Variants in FRMPD4 observed in about 807,000 individuals in gnomAD.
FRMPD4 encodes FERM and PDZ domain-containing protein 4.
A neutral mutation model predicts 94.1 loss-of-function variants in FRMPD4; 22 were observed. That is an observed-to-expected ratio of 0.23 (90% CI 0.17 to 0.33). The LOEUF (loss-of-function observed/expected upper bound fraction) is 0.33, where lower values mean the gene tolerates loss of function less well. FRMPD4 is among the 10% of genes least tolerant of loss of function. FRMPD4 has a pLI of 1.00. For missense variants in FRMPD4, 1,111 were observed against 1,339.9 expected, an observed-to-expected ratio of 0.83 and a Z score of 2.67; for synonymous variants, 631 against 548.6, an observed-to-expected ratio of 1.15 and a Z score of -2.10.
Position 12,594,861 on chromosome X carries a change from C to T in FRMPD4, c.159-14860C>T, listed in dbSNP as rs189318805. ...GTTTCTTTTAGAGAATGTATTGTTC[C>T]GTAATGTAATGGTTCAGTGGGGACT... is the stretch of plus-strand genomic sequence containing the variant. On this transcript the variant is annotated intron_variant, in intron 2 of 16. Transcript: ENST00000675598. Among the ~76,000 whole-genome samples the T allele has an allele frequency of 8.9e-5, 10 of 111,779 alleles. No individual in the cohort carries two copies. In the East Asian group the frequency reaches 1.7e-3, roughly 19 times the overall value.
chrX:12,641,395 C>G (rs900767832), intron 4 of FRMPD4, among the ~76,000 whole-genome samples: 2 of 111,556 alleles, frequency 1.8e-5, no homozygotes, highest in Non-Finnish European at 1.9e-5. Flanking sequence ...CGTTCCCCCT[C>G]CCCTCCATGC....
intron 4 of FRMPD4, among the ~76,000 whole-genome samples, chrX:12,640,230 T>C (rs1180427773): frequency 1.1e-5 from 1 of 88,138 alleles, no homozygotes; most frequent in Non-Finnish European, 2.1e-5. Context: ...ACCCAGGAGG[T>C]GGAAGTTGCA....
Position 12,587,401 on chromosome X carries a change from A to G in FRMPD4, c.159-22320A>G, listed in dbSNP as rs181981248. ...GTTCCAGAACATTTTCATTACCCCAAAATGAAACTTTATAATCATTAAGCA... is the reference window on the plus strand; with the variant it reads ...GTTCCAGAACATTTTCATTACCCCAGAATGAAACTTTATAATCATTAAGCA... On this transcript the variant is annotated intron_variant, in intron 2 of 16. Transcript: ENST00000675598. 2.7e-5 allele frequency among the ~76,000 whole-genome samples: 3 copies of G among 111,663 alleles called. No homozygotes were observed. In the East Asian group the frequency reaches 8.4e-4, roughly 31 times the overall value.
intron 1 of FRMPD4, among the ~76,000 whole-genome samples, chrX:11,827,673 CA>C (rs1203674884): frequency 8.9e-6 from 1 of 111,862 alleles, no homozygotes; most frequent in Non-Finnish European, 1.9e-5. Context: ...TTAAGGGAAT[CA>C]AAAAGCTGTG....
chrX:12,027,501 A>G (rs2054667390), intron 3 of FRMPD4, among the ~76,000 whole-genome samples: 1 of 112,192 alleles, frequency 8.9e-6, no homozygotes, highest in Non-Finnish European at 1.9e-5. Context: ...TGAGTGTGAC[A>G]GAGTGATCAG....
At chrX:12,254,214 G>A (rs369312172) in intron 1 of FRMPD4, among the ~76,000 whole-genome samples, 6 of 111,750 alleles carry the variant, frequency 5.4e-5, no homozygotes, top group African/African-American at 2.0e-4. Context: ...GACATGTGAG[G>A]AGTTAAGGCT....
intron 1 of FRMPD4, among the ~76,000 whole-genome samples, chrX:12,360,429 G>A (rs1258630266): frequency 4.5e-5 from 5 of 111,497 alleles, no homozygotes; most frequent in Admixed American, 1.9e-4. Context: ...TATGTACATT[G>A]GCAAGCCTGA....
intron 2 of FRMPD4, among the ~76,000 whole-genome samples, chrX:12,602,475 T>G (rs756625927): frequency 8.9e-6 from 1 of 111,872 alleles, no homozygotes; most frequent in South Asian, 3.8e-4. Flanking sequence ...GTGTCTGTGG[T>G]GTTTGTCCAA....
intron 3 of FRMPD4, among the ~76,000 whole-genome samples, chrX:12,080,505 G>A (rs2055053648): frequency 8.9e-6 from 1 of 111,974 alleles, no homozygotes; most frequent in Non-Finnish European, 1.9e-5. Context: ...TTTAAGTGAG[G>A]AGAAAAAGCC....
At chrX:12,560,982 G>A (rs1473735468) in intron 2 of FRMPD4, among the ~76,000 whole-genome samples, 1 of 104,353 alleles carries the variant, frequency 9.6e-6, no homozygotes, top group Admixed American at 1.0e-4. Flanking sequence ...TTTTAGCCGG[G>A]ATGGTCTCGA....
chrX:12,552,803 T>C (rs2058551197), intron 2 of FRMPD4, among the ~76,000 whole-genome samples: 2 of 112,733 alleles, frequency 1.8e-5, no homozygotes, highest in African/African-American at 6.4e-5. Flanking sequence ...GTATTTTTAA[T>C]TTTTATTCTG....
intron 3 of FRMPD4, among the ~76,000 whole-genome samples, chrX:11,942,259 G>A (rs1402163345): frequency 2.1e-5 from 2 of 97,423 alleles, no homozygotes. Context: ...GAGAGACAGG[G>A]GTCTCACTAT....
chrX:11,914,942 G>A (rs1383500555), intron 3 of FRMPD4, among the ~76,000 whole-genome samples: 2 of 112,020 alleles, frequency 1.8e-5, no homozygotes, highest in African/African-American at 3.2e-5. Flanking sequence ...TTAAATTAAT[G>A]TAACTTCTTG....
chrX:12,191,655 CTG>C (rs34288385), intron 1 of FRMPD4, among the ~76,000 whole-genome samples: 11,604 of 111,406 alleles, frequency 0.1, 526 homozygotes, highest in South Asian at 0.27. Flanking sequence ...GGCTATAATA[CTG>C]TGTGATTTCA....
chrX:12,688,028 A>G (rs942211298), intron 7 of FRMPD4, among the ~76,000 whole-genome samples: 4 of 112,330 alleles, frequency 3.6e-5, no homozygotes, highest in Non-Finnish European at 5.6e-5. Flanking sequence ...GGACAGTCCA[A>G]GGGCTTACAG....
chrX:12,626,499 C>T (rs1299197351), intron 4 of FRMPD4, among the ~76,000 whole-genome samples: 2 of 105,848 alleles, frequency 1.9e-5, no homozygotes, highest in Non-Finnish European at 1.9e-5. Flanking sequence ...ACCCTACAAA[C>T]CAGGACCTAG....
chrX:12,046,639 G>C (rs1272744318), intron 3 of FRMPD4, among the ~76,000 whole-genome samples: 1 of 111,968 alleles, frequency 8.9e-6, no homozygotes, highest in Non-Finnish European at 1.9e-5. Context: ...TTACAGGTTT[G>C]TTATGAAAGA....
rs781135374 is a variant in FRMPD4 at position 12,523,850 on chromosome X, GAA to G, written c.158+25068_158+25069del. 6.3e-3 allele frequency among the ~76,000 whole-genome samples: 576 copies of G among 92,057 alleles called. 5 individuals are homozygous for G. Among genetic ancestry groups the G allele is most frequent in the African/African-American group, 0.021 (536 of 26,004 alleles). The allele number at this position is 92,057 out of a possible 115,157, so 79.9% of individuals were successfully genotyped here. On this transcript the variant is annotated intron_variant, in intron 2 of 16. Transcript: ENST00000675598. The stretch of plus-strand genomic sequence containing the variant: ...GGCAATAAGGAAACAGAATAATTGG[GAA>G]AAAAAAAAAAAAAGAACACCTGCTG...
At chrX:12,065,010 C>G (rs1229491164) in intron 3 of FRMPD4, among the ~76,000 whole-genome samples, 2 of 111,611 alleles carry the variant, frequency 1.8e-5, no homozygotes, top group Non-Finnish European at 3.8e-5. Flanking sequence ...TATCCATTTA[C>G]TAAAGGAAGA....
Sources: gnomAD v4.1 joint callset for allele counts (sites outside exome capture counted in the v4.1 genomes callset) on GRCh38, gnomAD v4.1.1 for gene constraint, MANE v1.5 for transcripts, NCBI Gene and HGNC (gene_info 2026-07-23, HGNC 2026-07-21) for gene names.